The following TAOK3 variants were observed in gnomAD, a reference collection of about 807,000 sequenced individuals.
The protein encoded by TAOK3 is TAO kinase 3.
In TAOK3, 40 loss-of-function variants were observed where a neutral mutation model predicts 120.4. The ratio of observed to expected loss-of-function variants is 0.33; its 90% confidence interval spans 0.26 to 0.43. TAOK3 has a LOEUF of 0.43. TAOK3 is among the 20% of genes least tolerant of loss of function. The pLI is 1.00. For synonymous variants in TAOK3, 355 were observed against 387.5 expected, an observed-to-expected ratio of 0.92 and a Z score of 0.99; for missense variants, 821 against 1,112.1, an observed-to-expected ratio of 0.74 and a Z score of 3.72.
intron 4 of TAOK3, among the ~76,000 whole-genome samples, chr12:118,244,527 C>G (rs1033334400): frequency 7.7e-6 from 1 of 129,558 alleles, no homozygotes. Flanking sequence ...TTTCTTTTTT[C>G]TTTTTCTTTT....
intron 17 of TAOK3, 29 bp from the exon 18 acceptor site, chr12:118,162,056 G>A (rs1434007679): frequency 6.2e-7 from 1 of 1,608,072 alleles, no homozygotes; most frequent in Non-Finnish European, 8.5e-7. Context: ...GATAAACGGA[G>A]AGAGGTGAAT....
intron 17 of TAOK3, among the ~76,000 whole-genome samples, chr12:118,163,958 C>G (rs942869970): frequency 9.9e-5 from 15 of 151,946 alleles, no homozygotes; most frequent in Non-Finnish European, 2.1e-4. Context: ...GTGATCTGCC[C>G]GCCTTGGCCT....
chr12:118,334,985 C>T (rs903647546), intron 1 of TAOK3, among the ~76,000 whole-genome samples: 27 of 151,862 alleles, frequency 1.8e-4, no homozygotes, highest in African/African-American at 6.3e-4. Context: ...TTGAGACCAG[C>T]CTGGCCAACA....
intron 1 of TAOK3, among the ~76,000 whole-genome samples, chr12:118,360,209 G>A (rs1241039336): frequency 1.3e-4 from 19 of 151,040 alleles, no homozygotes; most frequent in Admixed American, 1.3e-4. Flanking sequence ...AGGCTGCAGT[G>A]AGCCAAGATT....
chr12:118,366,890 G>A (rs2045754807), intron 1 of TAOK3, among the ~76,000 whole-genome samples: 1 of 152,150 alleles, frequency 6.6e-6, no homozygotes, highest in Admixed American at 6.5e-5. Context: ...AGCAGTTCGA[G>A]ACCAGCCTCA....
chr12:118,335,785 T>C (rs1463667002), intron 1 of TAOK3, among the ~76,000 whole-genome samples: 1 of 152,156 alleles, frequency 6.6e-6, no homozygotes, highest in African/African-American at 2.4e-5. Flanking sequence ...GTGGAGATGG[T>C]GCCACTGCAC....
chr12:118,234,315 G>A (rs940684254), intron 8 of TAOK3, among the ~76,000 whole-genome samples: 4 of 131,944 alleles, frequency 3.0e-5, no homozygotes, highest in African/African-American at 8.6e-5. Context: ...TGCAAGCTCC[G>A]CCTCCCAGGT....
Position 118,210,483 on chromosome 12 carries a change from T to C in TAOK3, c.819+2431A>G, listed in dbSNP as rs778679815. On this transcript the variant is annotated intron_variant, in intron 11 of 20. Coordinates refer to ENST00000392533, the MANE Select transcript of TAOK3 (RefSeq NM_016281.4). ...TTTTTCCACCCCAAAATAAACTTTT[T>C]CAGTCTGCTTGTATGAATCTTTCTT... Among the ~76,000 whole-genome samples the C allele has an allele frequency of 5.9e-5, 9 of 152,282 alleles. No individual in the cohort carries two copies. In the South Asian group the frequency reaches 1.7e-3, roughly 28 times the overall value.
intron 17 of TAOK3, among the ~76,000 whole-genome samples, chr12:118,163,054 C>T (rs564694363): frequency 7.9e-5 from 12 of 152,296 alleles, no homozygotes; most frequent in South Asian, 2.1e-4. Flanking sequence ...GATTTAGATA[C>T]GTGGCCCAAC....
At chr12:118,318,443 G>A (rs569926055) in intron 1 of TAOK3, among the ~76,000 whole-genome samples, 3 of 152,050 alleles carry the variant, frequency 2.0e-5, no homozygotes, top group Non-Finnish European at 4.4e-5. Flanking sequence ...GGTGTGAGCC[G>A]CTGCGCCTGG....
At chr12:118,353,630 C>T (rs948752575) in intron 1 of TAOK3, among the ~76,000 whole-genome samples, 6 of 152,154 alleles carry the variant, frequency 3.9e-5, no homozygotes, top group Admixed American at 1.3e-4. Context: ...GAAATGAAGG[C>T]AGGCCCCTGT....
At chr12:118,217,850 T>C (rs1252832694) in intron 9 of TAOK3, among the ~76,000 whole-genome samples, 5 of 99,480 alleles carry the variant, frequency 5.0e-5, no homozygotes, top group Non-Finnish European at 8.3e-5. Flanking sequence ...TATATATATA[T>C]ATATATATAT....
At chr12:118,228,999 G>GGTT (rs2039636309) in intron 9 of TAOK3, among the ~76,000 whole-genome samples, 1 of 152,070 alleles carries the variant, frequency 6.6e-6, no homozygotes, top group Non-Finnish European at 1.5e-5. Flanking sequence ...ATGGCTCACT[G>GGTT]CGGCCTTGAC....
chr12:118,343,725 A>G (rs935471769), intron 1 of TAOK3, among the ~76,000 whole-genome samples: 7 of 152,084 alleles, frequency 4.6e-5, no homozygotes, highest in African/African-American at 1.7e-4. Flanking sequence ...TAAAAAATCC[A>G]CTAGAGGCTG....
chr12:118,243,010 C>T (rs1566001261), intron 5 of TAOK3, among the ~76,000 whole-genome samples: 1 of 151,586 alleles, frequency 6.6e-6, no homozygotes, highest in Non-Finnish European at 1.5e-5. Flanking sequence ...TATGGTGGCC[C>T]CTGTTTGGTA....
At chr12:118,272,916 T>C (rs61945219) in intron 1 of TAOK3, among the ~76,000 whole-genome samples, 30,332 of 151,708 alleles carry the variant, frequency 0.2, 3,246 homozygotes, top group African/African-American at 0.28. Context: ...GCTGAGGCTA[T>C]AGTGAGCCGA....
chr12:118,175,372 A>C (rs111746868), intron 16 of TAOK3, among the ~76,000 whole-genome samples: 1,564 of 152,300 alleles, frequency 0.01, 19 homozygotes, highest in African/African-American at 0.027. Flanking sequence ...CACGCCTGTA[A>C]TCTCAGCACT....
At chr12:118,216,603 T>C (rs1298960659) in intron 9 of TAOK3, among the ~76,000 whole-genome samples, 1 of 152,198 alleles carries the variant, frequency 6.6e-6, no homozygotes, top group Non-Finnish European at 1.5e-5. Flanking sequence ...GTTAATTTTA[T>C]GGTATTTATT....
At chr12:118,281,303 A>T (rs962034321) in intron 1 of TAOK3, among the ~76,000 whole-genome samples, 5 of 152,052 alleles carry the variant, frequency 3.3e-5, no homozygotes, top group African/African-American at 1.2e-4. Flanking sequence ...CCTATTCAGT[A>T]TGATGTTGGT....
Sources: allele counts gnomAD v4.1 joint callset (sites outside exome capture counted in the v4.1 genomes callset), GRCh38; gene constraint gnomAD v4.1.1; transcripts MANE v1.5; gene names NCBI Gene and HGNC (gene_info 2026-07-23, HGNC 2026-07-21).